TMEM218: variants seen among roughly 807,000 people sequenced by gnomAD.
TMEM218 encodes the protein transmembrane protein 218.
In TMEM218, 8 loss-of-function variants were observed where a neutral mutation model predicts 10.0. The observed-to-expected ratio is 0.80, with a 90% CI of 0.47 to 1.44. The LOEUF is 1.44. Ranked by LOEUF, TMEM218 falls within the 40% of genes most tolerant of loss-of-function variation. TMEM218 has a pLI of 0.00. For missense variants in TMEM218, 110 were observed against 140.1 expected, an observed-to-expected ratio of 0.79 and a Z score of 1.08; for synonymous variants, 66 against 63.5, an observed-to-expected ratio of 1.04 and a Z score of -0.18.
intron 1 of TMEM218, chr11:125,110,410 A>C (rs573308335): frequency 6.6e-6 from 1 of 152,344 alleles, no homozygotes; most frequent in Admixed American, 6.5e-5. Flanking sequence ...TCTGTGCTCA[A>C]TGCTGTGAGG....
At chr11:125,101,791 TG>T in intron 3 of TMEM218, 1 of 479,282 alleles carries the variant, frequency 2.1e-6, no homozygotes, top group Non-Finnish European at 3.6e-6. Context: ...TTCGTTTTCC[TG>T]GGTCCAGGGC....
In TMEM218 at chr11:125,096,034, T is replaced by C; in HGVS notation, c.*1572A>G. Among the ~76,000 whole-genome samples, 1 of 152,300 alleles carries C rather than the reference T, an allele frequency of 6.6e-6. No individual in the cohort carries two copies. Among genetic ancestry groups the C allele is most frequent in the Admixed American group, 6.5e-5 (1 of 15,298 alleles). On this transcript the variant is annotated 3_prime_UTR_variant, in exon 5 of 5. Coordinates refer to ENST00000682305, the MANE Select transcript of TMEM218 (RefSeq NM_001258244.2). ...CAAGACTTATGCATTCTTTTTTCTC[T>C]CCCTCAATCTGCTTAGAGGATGTTT...
At chr11:125,105,894 A>G (rs1002673630) in intron 1 of TMEM218, among the ~76,000 whole-genome samples, 1 of 152,242 alleles carries the variant, frequency 6.6e-6, no homozygotes, top group Non-Finnish European at 1.5e-5. Context: ...CAAATACAAC[A>G]GTAATCATAG....
intron 1 of TMEM218, 83 bp from the exon 2 acceptor site, chr11:125,102,892 G>A (rs965028922): frequency 5.2e-5 from 19 of 362,490 alleles, no homozygotes; most frequent in African/African-American, 1.5e-4. Context: ...ATTGAATCCC[G>A]GAGCGAAGCT....
At chr11:125,098,381 T>C (rs1401906414) in intron 4 of TMEM218, among the ~76,000 whole-genome samples, 1 of 152,234 alleles carries the variant, frequency 6.6e-6, no homozygotes, top group African/African-American at 2.4e-5. Context: ...CCAAAGATGT[T>C]GGTCTTTGCT....
At chr11:125,099,181 T>A (rs1338414331) in intron 4 of TMEM218, among the ~76,000 whole-genome samples, 1 of 152,182 alleles carries the variant, frequency 6.6e-6, no homozygotes, top group Non-Finnish European at 1.5e-5. Context: ...CAAAGACACC[T>A]CAGCTGCTCC....
chr11:125,110,615 ATTATAAGATGAC>A (rs1335027121), intron 1 of TMEM218: 1 of 152,230 alleles, frequency 6.6e-6, no homozygotes, highest in Non-Finnish European at 1.5e-5. Context: ...ACTAACTGCC[ATTATAAGATGAC>A]TTATAAGATG....
In TMEM218 at chr11:125,102,166, A is replaced by G; in HGVS notation, c.76T>C (p.Cys26Arg). The change falls in exon 3 of 5, where the codon TGT becomes CGT. Residue 26 changes from cysteine (C) to arginine (R), a missense_variant. Cys to Arg is a radical substitution (Grantham distance 180). Transcript: ENST00000682305. Reference protein sequence around the residue: ...ALLWVAVLLLCVLLSRASGAA... With the variant: ...ALLWVAVLLLRVLLSRASGAA... ...CCGGAGGCTCTGGACAGCAGCACAC[A>G]CAGCAGCAGCACTGCCACCCAGAGC... is the stretch of plus-strand genomic sequence containing the variant. 5 of 1,607,232 alleles carry G rather than the reference A, an allele frequency of 3.1e-6. No homozygotes were observed. Among genetic ancestry groups the G allele is most frequent in the Non-Finnish European group, 4.2e-6 (5 of 1,177,172 alleles).
intron 1 of TMEM218, chr11:125,104,529 G>C (rs989426825): frequency 6.6e-6 from 1 of 152,202 alleles, no homozygotes; most frequent in African/African-American, 2.4e-5. Flanking sequence ...CACAAAACTA[G>C]TTAATATTTT....
chr11:125,097,845 A>G (rs868693319), intron 4 of TMEM218, 105 bp from the exon 5 acceptor site: 15 of 1,063,424 alleles, frequency 1.4e-5, no homozygotes, highest in Middle Eastern at 2.3e-4. Flanking sequence ...CATGTGTATA[A>G]CTTCCAGTAA....
rs899895491 is a variant in TMEM218 at position 125,096,008 on chromosome 11, T to C, written c.*1598A>G. ...AGGCCCCCAGCTTGTCTCAATTCCCTCAAGACTTATGCATTCTTTTTTCTC... is the reference window on the plus strand; with the variant it reads ...AGGCCCCCAGCTTGTCTCAATTCCCCCAAGACTTATGCATTCTTTTTTCTC... On this transcript the variant is annotated 3_prime_UTR_variant, in exon 5 of 5. Transcript: ENST00000682305. 6.6e-6 allele frequency among the ~76,000 whole-genome samples: 1 copy of C among 152,190 alleles called. No individual in the cohort carries two copies. Among genetic ancestry groups the C allele is most frequent in the African/African-American group, 2.4e-5 (1 of 41,456 alleles).
At chr11:125,097,818 T>C in intron 4 of TMEM218, 78 bp from the exon 5 acceptor site, 1 of 1,429,780 alleles carries the variant, frequency 7.0e-7, no homozygotes, top group East Asian at 2.4e-5. Context: ...CCATGATGAG[T>C]GGGCCAAGAG....
rs1565439808 is a variant in TMEM218, at chr11:125,108,941, A to T, written c.-153+2598T>A. Among the ~76,000 whole-genome samples, 1 of 152,174 alleles carries T rather than the reference A, an allele frequency of 6.6e-6. No individual in the cohort carries two copies. Among genetic ancestry groups the T allele is most frequent in the Non-Finnish European group, 1.5e-5 (1 of 68,024 alleles). On this transcript the variant is annotated intron_variant, in intron 1 of 4. Transcript: ENST00000682305. The surrounding 1 kb of genome is among the most constrained non-coding windows in gnomAD (Gnocchi z 5.3). The stretch of plus-strand genomic sequence containing the variant: ...GCCTCCAATCAAAGAATAACAAAAT[A>T]CATCTTCACAAATTCCAAAACACCC...
chr11:125,096,302 T>C lies in TMEM218; in HGVS notation c.*1304A>G, dbSNP rs1033343632. Among the ~76,000 whole-genome samples the C allele has an allele frequency of 2.0e-5, 3 of 152,180 alleles. No homozygotes were observed. The highest frequency in any genetic ancestry group is 2.9e-5 in the Non-Finnish European group (2 of 68,038). Reference sequence around the variant, plus strand: ...GCAGGACTGGGTAACTTCTCTACCCTGAAAACAGAATTGAGGAGAGAAAGT... The same window carrying C: ...GCAGGACTGGGTAACTTCTCTACCCCGAAAACAGAATTGAGGAGAGAAAGT... On this transcript the variant is annotated 3_prime_UTR_variant, in exon 5 of 5. Transcript: ENST00000682305.
At position 125,096,396 on chromosome 11, in the gene TMEM218, C is replaced by G. The variant is rs561341392; in HGVS notation, c.*1210G>C. ...AGTTCCACAAACCCTAGTGTGTTTTCTCTCTGAGACAAGCCCTGGGGCCTA... is the reference window on the plus strand; with the variant it reads ...AGTTCCACAAACCCTAGTGTGTTTTGTCTCTGAGACAAGCCCTGGGGCCTA... On this transcript the variant is annotated 3_prime_UTR_variant, in exon 5 of 5. Transcript: ENST00000682305. The G allele has an allele frequency of 1.6e-4, 24 of 152,320 alleles. No homozygotes were observed. The highest frequency in any genetic ancestry group is 5.8e-4 in the African/African-American group (24 of 41,562). 9.4% of individuals were successfully genotyped at this position (152,320 alleles called of 1,614,324 possible). A position where few individuals can be genotyped will look rare whatever the true frequency, so the allele number is the denominator to read the frequency against.
chr11:125,109,537 C>T (rs1953176829), intron 1 of TMEM218, among the ~76,000 whole-genome samples: 1 of 152,116 alleles, frequency 6.6e-6, no homozygotes, highest in South Asian at 2.1e-4. Flanking sequence ...TTATACTACC[C>T]AATGTACTAT....
chr11:125,104,796 C>G (rs1213251618), intron 1 of TMEM218: 1 of 152,180 alleles, frequency 6.6e-6, no homozygotes, highest in African/African-American at 2.4e-5. Context: ...TGGAAGTTAA[C>G]AAGGGAAGTG....
In TMEM218 at chr11:125,111,572, A is replaced by T. The variant is rs1954044736; in HGVS notation, c.-186T>A. 6.6e-6 allele frequency: 1 copy of T among 152,266 alleles called. No individual in the cohort carries two copies. Among genetic ancestry groups the T allele is most frequent in the Admixed American group, 6.5e-5 (1 of 15,276 alleles). 9.4% of individuals were successfully genotyped at this position (152,266 alleles called of 1,614,324 possible). A position where few individuals can be genotyped will look rare whatever the true frequency, so the allele number is the denominator to read the frequency against. The stretch of plus-strand genomic sequence containing the variant: ...CCTTCACCTGGATCCACTCTCCCCC[A>T]GGCTCTACTCACACCTCAGATTCCG... On this transcript the variant is annotated 5_prime_UTR_variant, in exon 1 of 5. Coordinates refer to ENST00000682305, the MANE Select transcript of TMEM218 (RefSeq NM_001258244.2).
rs1950910170 is a variant in TMEM218 at position 125,102,005 on chromosome 11, A to C, written c.110+127T>G. The C allele has an allele frequency of 5.4e-6, 6 of 1,109,648 alleles. No individual in the cohort carries two copies. The South Asian group carries it at 1.2e-4, about 22-fold the overall frequency. 68.7% of individuals were successfully genotyped at this position (1,109,648 alleles called of 1,614,324 possible). A position where few individuals can be genotyped will look rare whatever the true frequency, so the allele number is the denominator to read the frequency against. On this transcript the variant is annotated intron_variant, in intron 3 of 4. Transcript: ENST00000682305. ...GTTAGTGTTTATAAAAAGAGGTTAA[A>C]ATGCAACTCATTCAAACTGCCAGTA...
Sources: gnomAD v4.1 joint callset for allele counts (sites outside exome capture counted in the v4.1 genomes callset) on GRCh38, gnomAD v4.1.1 for gene constraint, Gnocchi (gnomAD v3.1) non-coding constraint, MANE v1.5 for transcripts, NCBI Gene and HGNC (gene_info 2026-07-23, HGNC 2026-07-21) for gene names.